The following CACNA2D1 variants were observed in gnomAD, a reference collection of about 807,000 sequenced individuals.
The protein encoded by CACNA2D1 is voltage-dependent calcium channel subunit alpha-2/delta-1.
Under a neutral mutation model 171.5 loss-of-function variants are expected in CACNA2D1, and 53 were observed. That is an observed-to-expected ratio of 0.31 (90% CI 0.25 to 0.39). The LOEUF (loss-of-function observed/expected upper bound fraction) is 0.39. Among genes scored for constraint, CACNA2D1 ranks in the 10% least tolerant of loss-of-function variants. CACNA2D1 has a pLI of 1.00. For synonymous variants in CACNA2D1, 442 were observed against 443.1 expected (o/e 1.00, Z 0.03); for missense variants, 903 against 1,299.8 (o/e 0.69, Z 4.69).
At chr7:82,146,386 TTA>T (rs1187780603) in intron 4 of CACNA2D1, among the ~76,000 whole-genome samples, 4 of 145,442 alleles carry the variant, frequency 2.8e-5, no homozygotes, top group Non-Finnish European at 4.5e-5. Context: ...ATATTTATAT[TTA>T]TATATATAAA....
intron 1 of CACNA2D1, among the ~76,000 whole-genome samples, chr7:82,389,423 C>T (rs2368024): frequency 1 from 152,041 of 152,240 alleles, 75,921 homozygotes; most frequent in Middle Eastern, 1. Context: ...TATTCATTTA[C>T]GTATTACGCA....
intron 3 of CACNA2D1, among the ~76,000 whole-genome samples, chr7:82,178,151 G>C (rs1434297341): frequency 6.6e-6 from 1 of 152,104 alleles, no homozygotes; most frequent in African/African-American, 2.4e-5. Flanking sequence ...CTGTGGCCAA[G>C]TGAAAAATAA....
chr7:82,233,463 AT>A (rs545640328), intron 3 of CACNA2D1, among the ~76,000 whole-genome samples: 3 of 151,594 alleles, frequency 2.0e-5, no homozygotes, highest in South Asian at 2.1e-4. Flanking sequence ...GCCTTCACAG[AT>A]TTTTTTTTCA....
intron 3 of CACNA2D1, among the ~76,000 whole-genome samples, chr7:82,203,551 C>T (rs76437842): frequency 0.017 from 2,661 of 152,248 alleles, 76 homozygotes; most frequent in African/African-American, 0.055. Flanking sequence ...TATGATGGTG[C>T]GGCTGAGACC....
chr7:82,323,345 A>T (rs1470175490), intron 3 of CACNA2D1, among the ~76,000 whole-genome samples: 1 of 152,094 alleles, frequency 6.6e-6, no homozygotes. Context: ...AACAATCATC[A>T]AGGATTTCAC....
chr7:82,157,514 G>T (rs1012776268), intron 4 of CACNA2D1, among the ~76,000 whole-genome samples: 25 of 152,120 alleles, frequency 1.6e-4, no homozygotes, highest in African/African-American at 3.4e-4. Flanking sequence ...TTATGAATCA[G>T]AACGTCAGAG....
intron 1 of CACNA2D1, among the ~76,000 whole-genome samples, chr7:82,404,974 T>C (rs965946232): frequency 1.3e-5 from 2 of 152,258 alleles, no homozygotes; most frequent in African/African-American, 4.8e-5. Flanking sequence ...TTTCCTGATT[T>C]AGCTCATTTT....
chr7:82,381,949 A>T (rs1195558625), intron 1 of CACNA2D1, among the ~76,000 whole-genome samples: 2 of 70,986 alleles, frequency 2.8e-5, no homozygotes, highest in African/African-American at 3.6e-4. Flanking sequence ...AGAAGTGTAT[A>T]AATAAATACA....
intron 7 of CACNA2D1, among the ~76,000 whole-genome samples, chr7:82,073,640 G>A (rs971751161): frequency 2.0e-5 from 3 of 151,936 alleles, no homozygotes; most frequent in Non-Finnish European, 4.4e-5. Context: ...CACTGTTGTT[G>A]CCCAGGCGTG....
At chr7:82,273,274 T>C (rs1808878076) in intron 3 of CACNA2D1, among the ~76,000 whole-genome samples, 1 of 151,868 alleles carries the variant, frequency 6.6e-6, no homozygotes, top group South Asian at 2.1e-4. Flanking sequence ...TAGCTCAACT[T>C]TGAGAATTTA....
At chr7:82,412,972 A>T (rs1827829373) in intron 1 of CACNA2D1, among the ~76,000 whole-genome samples, 1 of 152,158 alleles carries the variant, frequency 6.6e-6, no homozygotes, top group African/African-American at 2.4e-5. Flanking sequence ...TCAAATAAGC[A>T]TTAACAGTTT....
chr7:82,060,290 G>A, intron 10 of CACNA2D1, 138 bp downstream of exon 10: 1 of 414,348 alleles, frequency 2.4e-6, no homozygotes, highest in South Asian at 2.8e-5. Flanking sequence ...CGCTAAAATA[G>A]GACAGGTCAG....
At chr7:82,214,758 T>C (rs938792834) in intron 3 of CACNA2D1, among the ~76,000 whole-genome samples, 1 of 152,220 alleles carries the variant, frequency 6.6e-6, no homozygotes, top group Non-Finnish European at 1.5e-5. Context: ...GCAAGTTAAA[T>C]ATCAAGAAAA....
chr7:82,054,481 C>T (rs1805571916), intron 10 of CACNA2D1, among the ~76,000 whole-genome samples: 1 of 152,202 alleles, frequency 6.6e-6, no homozygotes, highest in African/African-American at 2.4e-5. Flanking sequence ...GAGAAATAAG[C>T]TGCACTCACT....
intron 12 of CACNA2D1, among the ~76,000 whole-genome samples, chr7:82,018,645 T>C (rs569317497): frequency 6.6e-6 from 1 of 152,292 alleles, no homozygotes; most frequent in East Asian, 1.9e-4. Flanking sequence ...CACATAGTTA[T>C]ATAATTGTAA....
At chr7:82,342,597 C>T (rs992530169) in intron 2 of CACNA2D1, among the ~76,000 whole-genome samples, 2 of 152,018 alleles carry the variant, frequency 1.3e-5, no homozygotes, top group Non-Finnish European at 2.9e-5. Context: ...AGAATAAATA[C>T]ACAAATTAAG....
chr7:82,066,542 AGAG>A lies in CACNA2D1; in HGVS notation c.659-21_659-19del, dbSNP rs1245174078. On this transcript the variant is annotated intron_variant, in intron 7 of 38. Coordinates refer to ENST00000356860, the MANE Select transcript of CACNA2D1 (RefSeq NM_000722.4). ...TGGTGAAGCTAAAAAAAAAAAAAAA[AGAG>A]AGATATTAAATCAAAATATTAGATA... is the stretch of plus-strand genomic sequence containing the variant. 2.6e-6 allele frequency: 4 copies of A among 1,557,466 alleles called. No homozygotes were observed. The highest frequency in any genetic ancestry group is 1.8e-5 in the Admixed American group (1 of 55,134).
intron 3 of CACNA2D1, among the ~76,000 whole-genome samples, chr7:82,199,698 AG>A (rs2129202766): frequency 6.6e-6 from 1 of 152,206 alleles, no homozygotes; most frequent in South Asian, 2.1e-4. Flanking sequence ...CTTATAATCT[AG>A]CAATTCTACT....
intron 3 of CACNA2D1, among the ~76,000 whole-genome samples, chr7:82,320,238 T>C (rs1815644614): frequency 6.6e-6 from 1 of 152,166 alleles, no homozygotes; most frequent in African/African-American, 2.4e-5. Flanking sequence ...AATTAAGTCC[T>C]ACTTACAGAA....
Sources: allele counts gnomAD v4.1 joint callset (sites outside exome capture counted in the v4.1 genomes callset), GRCh38; gene constraint gnomAD v4.1.1; transcripts MANE v1.5; gene names NCBI Gene and HGNC (gene_info 2026-07-23, HGNC 2026-07-21).